SPATA6: variants seen among roughly 807,000 people sequenced by gnomAD.
The protein encoded by SPATA6 is spermatogenesis associated 6.
In SPATA6, 56 loss-of-function variants were observed where a neutral mutation model predicts 65.3. The observed-to-expected ratio is 0.86, with a 90% CI of 0.69 to 1.07. SPATA6 has a LOEUF of 1.07. SPATA6 is among the 50% of genes least tolerant of loss of function. The pLI, the probability that SPATA6 is intolerant of heterozygous loss-of-function variation, is 0.00. For missense variants in SPATA6, 590 were observed against 594.8 expected, an observed-to-expected ratio of 0.99 and a Z score of 0.08; for synonymous variants, 199 against 213.2, an observed-to-expected ratio of 0.93 and a Z score of 0.58.
intron 11 of SPATA6, among the ~76,000 whole-genome samples, chr1:48,311,294 T>C (rs942083194): frequency 9.2e-5 from 14 of 151,952 alleles, no homozygotes; most frequent in Non-Finnish European, 2.1e-4. Flanking sequence ...CCATAAAACA[T>C]TTGACAATGT....
At position 48,399,479 on chromosome 1, in the gene SPATA6, G is replaced by C. The variant is rs1650943662; in HGVS notation, c.652C>G (p.Pro218Ala). ...ATGCGTCTTTTTGTGTAGGGAGATG[G>C]AGAGTGTGATTTTGAAGAAATTGTA... ...QPTISSKSHS[P>A]SPYTKRRMCE... Residue 218 changes from proline (P) to alanine (A), a missense_variant, in exon 7 of 13, where the codon CCA becomes GCA. Coordinates refer to ENST00000371847, the MANE Select transcript of SPATA6 (RefSeq NM_019073.4). 1 of 1,613,220 alleles carries C rather than the reference G, an allele frequency of 6.2e-7. No homozygotes were observed. The highest frequency in any genetic ancestry group is 8.5e-7 in the Non-Finnish European group (1 of 1,179,540).
intron 11 of SPATA6, chr1:48,325,364 C>T: frequency 7.3e-7 from 1 of 1,373,254 alleles, no homozygotes; most frequent in Admixed American, 1.7e-5. Flanking sequence ...CAAAGTTCTG[C>T]ATGCGCCTTC....
chr1:48,367,786 G>A (rs1273758316), intron 9 of SPATA6, among the ~76,000 whole-genome samples: 3 of 152,130 alleles, frequency 2.0e-5, no homozygotes, highest in Admixed American at 6.5e-5. Flanking sequence ...GGAGCATTTA[G>A]TCCATTTACA....
intron 9 of SPATA6, among the ~76,000 whole-genome samples, chr1:48,361,449 A>T (rs1646809784): frequency 6.6e-6 from 1 of 152,114 alleles, no homozygotes; most frequent in Non-Finnish European, 1.5e-5. Context: ...GCTTTAACGG[A>T]GTGACAAGAG....
At chr1:48,339,050 T>C (rs764690213) in intron 11 of SPATA6, among the ~76,000 whole-genome samples, 5 of 151,866 alleles carry the variant, frequency 3.3e-5, no homozygotes, top group Non-Finnish European at 5.9e-5. Context: ...GGGACTGAAA[T>C]ACATGACCAA....
intron 11 of SPATA6, among the ~76,000 whole-genome samples, chr1:48,354,205 G>A (rs779109492): frequency 2.0e-5 from 3 of 151,974 alleles, no homozygotes; most frequent in Non-Finnish European, 4.4e-5. Flanking sequence ...AAGCACAGAG[G>A]CATATGCATG....
intron 11 of SPATA6, among the ~76,000 whole-genome samples, chr1:48,309,990 G>C (rs1040732609): frequency 6.6e-6 from 1 of 152,170 alleles, no homozygotes; most frequent in Non-Finnish European, 1.5e-5. Context: ...TTCTAATCAA[G>C]TACATAGCCT....
Position 48,373,864 on chromosome 1 carries a change from C to T in SPATA6, c.909+11445G>A, listed in dbSNP as rs1173794630. ...ACCGGTCCCCATGATTCAATTACTT[C>T]CCCCTGGGTCCTTCCCACAACATAG... On this transcript the variant is annotated intron_variant, in intron 9 of 12. Coordinates refer to ENST00000371847, the MANE Select transcript of SPATA6 (RefSeq NM_019073.4). Among the ~76,000 whole-genome samples, 4 of 152,168 alleles carry T rather than the reference C, an allele frequency of 2.6e-5. No individual in the cohort carries two copies. The East Asian group carries it at 5.8e-4, about 22-fold the overall frequency.
At chr1:48,429,713 G>C (rs190027607) in intron 3 of SPATA6, among the ~76,000 whole-genome samples, 9 of 152,192 alleles carry the variant, frequency 5.9e-5, no homozygotes, top group Admixed American at 2.0e-4. Context: ...CACTGTCAAA[G>C]AGATGCTCAA....
At chr1:48,413,456 CT>C (rs35376845) in intron 3 of SPATA6, among the ~76,000 whole-genome samples, 5,405 of 110,834 alleles carry the variant, frequency 0.049, 94 homozygotes, top group African/African-American at 0.076. Flanking sequence ...CGCCCGGATA[CT>C]TTTTTTTTTT....
At chr1:48,314,683 A>G (rs1338839737) in intron 11 of SPATA6, among the ~76,000 whole-genome samples, 1 of 152,214 alleles carries the variant, frequency 6.6e-6, no homozygotes, top group Non-Finnish European at 1.5e-5. Flanking sequence ...ACAAGAAATA[A>G]CTAAGATCAG....
intron 6 of SPATA6, chr1:48,400,928 A>G: frequency 1.4e-6 from 1 of 709,514 alleles, no homozygotes; most frequent in South Asian, 2.5e-5. Flanking sequence ...TTACAGAAGC[A>G]AAGAATGTCA....
chr1:48,454,630 A>G (rs537988023), intron 1 of SPATA6, among the ~76,000 whole-genome samples: 1 of 152,290 alleles, frequency 6.6e-6, no homozygotes, highest in South Asian at 2.1e-4. Context: ...TTGATCATAA[A>G]TTTCCTGAGG....
At chr1:48,316,284 A>G (rs1371062825) in intron 11 of SPATA6, among the ~76,000 whole-genome samples, 2 of 152,186 alleles carry the variant, frequency 1.3e-5, no homozygotes, top group Non-Finnish European at 2.9e-5. Flanking sequence ...TTCAAACTAT[A>G]CTACAAGGCT....
At chr1:48,461,912 C>T (rs1657461700) in intron 1 of SPATA6, among the ~76,000 whole-genome samples, 1 of 152,178 alleles carries the variant, frequency 6.6e-6, no homozygotes, top group Non-Finnish European at 1.5e-5. Flanking sequence ...TATTGCGGCA[C>T]TATTCACAAT....
At chr1:48,469,737 T>G (rs541353739) in intron 1 of SPATA6, among the ~76,000 whole-genome samples, 1 of 152,092 alleles carries the variant, frequency 6.6e-6, no homozygotes, top group African/African-American at 2.4e-5. Context: ...AACCTTTCTA[T>G]TCAATCAAAG....
At chr1:48,344,963 C>T (rs561645206) in intron 11 of SPATA6, among the ~76,000 whole-genome samples, 3 of 151,998 alleles carry the variant, frequency 2.0e-5, no homozygotes, top group South Asian at 2.1e-4. Flanking sequence ...TGAGACAGAT[C>T]GAGACAGAAA....
the SPATA6 span, among the ~76,000 whole-genome samples, chr1:48,282,831 C>T: frequency 2.1e-3 from 321 of 152,142 alleles, 2 homozygotes; most frequent in East Asian, 0.026. Flanking sequence ...TCCCATTACT[C>T]GGTATATACC....
chr1:48,371,571 T>C (rs1444175336), intron 9 of SPATA6, among the ~76,000 whole-genome samples: 1 of 152,204 alleles, frequency 6.6e-6, no homozygotes, highest in Admixed American at 6.5e-5. Flanking sequence ...TCCTCCACTA[T>C]ATGGTAACAC....
Sources: gnomAD v4.1 joint callset for allele counts (sites outside exome capture counted in the v4.1 genomes callset) on GRCh38, gnomAD v4.1.1 for gene constraint, MANE v1.5 for transcripts, NCBI Gene and HGNC (gene_info 2026-07-23, HGNC 2026-07-21) for gene names.